The following RAP1A variants were observed in gnomAD, a reference collection of about 807,000 sequenced individuals.
RAP1A encodes the protein ras-related protein Rap-1A.
A neutral mutation model predicts 26.4 loss-of-function variants in RAP1A; 6 were observed. That is an observed-to-expected ratio of 0.23 (90% CI 0.12 to 0.45). The LOEUF (loss-of-function observed/expected upper bound fraction) is 0.45, where lower values mean the gene tolerates loss of function less well. Ranked by LOEUF, RAP1A falls within the 20% of genes least tolerant of loss-of-function variation. The pLI is 0.99. For missense variants in RAP1A, 121 were observed against 217.2 expected (o/e 0.56, Z 2.78); for synonymous variants, 73 against 79.4 (o/e 0.92, Z 0.43).
chr1:111,668,017 C>T (rs1660852582), intron 1 of RAP1A, among the ~76,000 whole-genome samples: 1 of 152,184 alleles, frequency 6.6e-6, no homozygotes, highest in African/African-American at 2.4e-5. Flanking sequence ...CCTACTCCTG[C>T]CAACTCCGAG....
chr1:111,590,837 T>A (rs1229616789), intron 1 of RAP1A, among the ~76,000 whole-genome samples: 1 of 152,230 alleles, frequency 6.6e-6, no homozygotes, highest in Non-Finnish European at 1.5e-5. Flanking sequence ...TACTTCTGCA[T>A]TTATGAGAGA....
rs1223987452 is a variant in RAP1A, at chr1:111,607,275, T to C, written c.-28+64766T>C. ...CTGTTTAACAAAGCACATCTTGCAC[T>C]GCCCTTAATCCATTTAACCCTGAGT... is the stretch of plus-strand genomic sequence containing the variant. On this transcript the variant is annotated intron_variant, in intron 1 of 7. Transcript: ENST00000356415. Among the ~76,000 whole-genome samples, 39 of 152,070 alleles carry C rather than the reference T, an allele frequency of 2.6e-4. No homozygotes were observed. The East Asian group carries it at 4.8e-3, about 19-fold the overall frequency.
chr1:111,586,476 AG>A, intron 1 of RAP1A, among the ~76,000 whole-genome samples: 1 of 152,150 alleles, frequency 6.6e-6, no homozygotes, highest in Non-Finnish European at 1.5e-5. Context: ...CCAGCTACTC[AG>A]GAGGCTGAGG....
chr1:111,555,224 A>G lies in RAP1A; in HGVS notation c.-28+12715A>G, dbSNP rs959497827. The stretch of plus-strand genomic sequence containing the variant: ...CTACTAAAAACACAAAAACTAGCTG[A>G]GTGTGGTGGTGCATTCCTGTAGTCT... On this transcript the variant is annotated intron_variant, in intron 1 of 7. Coordinates refer to the RAP1A transcript ENST00000356415. Among the ~76,000 whole-genome samples, 9 of 151,688 alleles carry G rather than the reference A, an allele frequency of 5.9e-5. 1 individual carries two copies. The highest frequency in any genetic ancestry group is 2.2e-4 in the African/African-American group (9 of 41,268).
chr1:111,688,018 C>A (rs1661539522), intron 1 of RAP1A, among the ~76,000 whole-genome samples: 1 of 110,824 alleles, frequency 9.0e-6, no homozygotes. Context: ...CAGAGTGAGA[C>A]CCTGTCTCAA....
At chr1:111,556,562 T>A (rs925253860) in intron 1 of RAP1A, among the ~76,000 whole-genome samples, 2 of 152,086 alleles carry the variant, frequency 1.3e-5, no homozygotes, top group Non-Finnish European at 2.9e-5. Flanking sequence ...TAAAATATTA[T>A]CCAGCCTTAA....
At chr1:111,698,699 A>G (rs1661917204) in intron 4 of RAP1A, among the ~76,000 whole-genome samples, 2 of 152,218 alleles carry the variant, frequency 1.3e-5, no homozygotes, top group African/African-American at 2.4e-5. Flanking sequence ...TTATACAACA[A>G]TATAGTACTA....
chr1:111,601,685 A>G (rs150547940), intron 1 of RAP1A, among the ~76,000 whole-genome samples: 1 of 152,306 alleles, frequency 6.6e-6, no homozygotes, highest in African/African-American at 2.4e-5. Flanking sequence ...CAGGTTTGAA[A>G]GTTCAAATCC....
At chr1:111,667,865 A>T (rs183591278) in intron 1 of RAP1A, among the ~76,000 whole-genome samples, 107 of 152,292 alleles carry the variant, frequency 7.0e-4, no homozygotes, top group South Asian at 5.6e-3. Flanking sequence ...CAGCACTCAG[A>T]GCCTATTTTT....
chr1:111,675,481 A>C (rs1571551087), intron 1 of RAP1A, among the ~76,000 whole-genome samples: 1 of 113,786 alleles, frequency 8.8e-6, no homozygotes, highest in African/African-American at 2.8e-5. Context: ...AAAAAAAACA[A>C]AACAAAAAAA....
At chr1:111,711,121 G>T (rs1269732952) in intron 7 of RAP1A, among the ~76,000 whole-genome samples, 2 of 152,200 alleles carry the variant, frequency 1.3e-5, no homozygotes, top group Non-Finnish European at 2.9e-5. Flanking sequence ...ACAGGCGTGA[G>T]CCACCGCGCC....
At chr1:111,582,462 T>G (rs931197994) in intron 1 of RAP1A, among the ~76,000 whole-genome samples, 2 of 152,224 alleles carry the variant, frequency 1.3e-5, no homozygotes, top group Admixed American at 1.3e-4. Context: ...CACAGAGGTG[T>G]CTAAATATTG....
At chr1:111,664,217 C>CA (rs546953057) in intron 1 of RAP1A, among the ~76,000 whole-genome samples, 38 of 151,782 alleles carry the variant, frequency 2.5e-4, no homozygotes, top group Non-Finnish European at 5.2e-4. Flanking sequence ...ACTACAAATA[C>CA]AAAAAAATTA....
At chr1:111,585,170 C>A (rs1658339925) in intron 1 of RAP1A, among the ~76,000 whole-genome samples, 1 of 152,188 alleles carries the variant, frequency 6.6e-6, no homozygotes, top group South Asian at 2.1e-4. Flanking sequence ...GTCTGGACAC[C>A]TGCATTCCTC....
chr1:111,700,268 G>T (rs1268674726), intron 4 of RAP1A, among the ~76,000 whole-genome samples: 1 of 152,178 alleles, frequency 6.6e-6, no homozygotes, highest in Non-Finnish European at 1.5e-5. Flanking sequence ...GATAATTTAT[G>T]AAGAAAAGAG....
chr1:111,581,153 C>T (rs949369910), intron 1 of RAP1A, among the ~76,000 whole-genome samples: 7 of 150,458 alleles, frequency 4.7e-5, no homozygotes, highest in African/African-American at 7.3e-5. Context: ...TGGAAAGTGA[C>T]GGTAAATGCA....
At chr1:111,625,128 G>C (rs1659353019) in intron 1 of RAP1A, among the ~76,000 whole-genome samples, 1 of 152,086 alleles carries the variant, frequency 6.6e-6, no homozygotes, top group African/African-American at 2.4e-5. Flanking sequence ...AACTAAAAAA[G>C]CTAATAAAAG....
intron 1 of RAP1A, among the ~76,000 whole-genome samples, chr1:111,650,967 A>G (rs933134839): frequency 6.6e-6 from 1 of 151,962 alleles, no homozygotes; most frequent in Non-Finnish European, 1.5e-5. Flanking sequence ...ACGCCCGGCT[A>G]ATTTTTTTGT....
chr1:111,553,562 T>G lies in RAP1A; in HGVS notation c.-28+11053T>G, dbSNP rs373472470. Among the ~76,000 whole-genome samples, 5 of 152,344 alleles carry G rather than the reference T, an allele frequency of 3.3e-5. No individual in the cohort carries two copies. The East Asian group carries it at 5.8e-4, about 18-fold the overall frequency. On this transcript the variant is annotated intron_variant, in intron 1 of 7. Transcript: ENST00000356415. ...TAGCCGGTATGCTGTTACAAAGGTA[T>G]CTTCCTTAAACCTAATTTCTACTGG...
Sources: gnomAD v4.1 joint callset for allele counts (sites outside exome capture counted in the v4.1 genomes callset) on GRCh38, gnomAD v4.1.1 for gene constraint, MANE v1.5 for transcripts, NCBI Gene and HGNC (gene_info 2026-07-23, HGNC 2026-07-21) for gene names.